Variants in FCRL1 observed in about 807,000 individuals in gnomAD.
FCRL1 encodes Fc receptor like 1, also known as Fc receptor-like protein 1.
FCRL1 carries 34 observed loss-of-function variants against 49.2 expected under a neutral mutation model. The observed-to-expected ratio is 0.69, with a 90% CI of 0.53 to 0.92. FCRL1 has a LOEUF of 0.92. FCRL1 is among the 40% of genes least tolerant of loss of function. The pLI, the probability that FCRL1 is intolerant of heterozygous loss-of-function variation, is 0.00. For synonymous variants in FCRL1, 218 were observed against 201.6 expected (o/e 1.08, Z -0.69); for missense variants, 524 against 524.1 (o/e 1.00, Z 0.00).
At chr1:157,798,955 CTGAT>C (rs768475249) in intron 7 of FCRL1, among the ~76,000 whole-genome samples, 6 of 152,132 alleles carry the variant, frequency 3.9e-5, no homozygotes, top group Non-Finnish European at 8.8e-5. Context: ...TATTGGTTGA[CTGAT>C]TGAGTGAATG....
At chr1:157,819,975 T>A (rs1352076333) in intron 1 of FCRL1, 32 bp downstream of exon 1, 12 of 1,613,550 alleles carry the variant, frequency 7.4e-6, no homozygotes, top group Non-Finnish European at 1.0e-5. Context: ...CATGATTGCA[T>A]CCCATGCCCT....
At chr1:157,810,576 C>T (rs1023775300) in intron 1 of FCRL1, among the ~76,000 whole-genome samples, 9 of 151,906 alleles carry the variant, frequency 5.9e-5, no homozygotes, top group African/African-American at 1.9e-4. Context: ...GGATTACAGT[C>T]GTGAGCCACT....
At chr1:157,799,953 T>G in intron 7 of FCRL1, 105 bp downstream of exon 7, 2 of 939,328 alleles carry the variant, frequency 2.1e-6, no homozygotes, top group South Asian at 4.6e-5. Flanking sequence ...GAGTTCTGGG[T>G]ATAATAAAGC....
chr1:157,802,255 GC>G, intron 4 of FCRL1, 62 bp from the exon 5 acceptor site: 1 of 1,577,192 alleles, frequency 6.3e-7, no homozygotes, highest in Non-Finnish European at 8.6e-7. Context: ...CATAATCCCT[GC>G]CCACCGATGC....
chr1:157,809,393 A>T (rs6427404), intron 1 of FCRL1, among the ~76,000 whole-genome samples: 66,536 of 151,374 alleles, frequency 0.44, 14,963 homozygotes, highest in African/African-American at 0.55. Flanking sequence ...TAATTAATTT[A>T]AAAAAAAACC....
At chr1:157,802,883 C>G (rs1652770967) in intron 3 of FCRL1, among the ~76,000 whole-genome samples, 1 of 152,176 alleles carries the variant, frequency 6.6e-6, no homozygotes, top group Non-Finnish European at 1.5e-5. Flanking sequence ...AGCATCACCT[C>G]TCTCCCTAGA....
Position 157,802,205 on chromosome 1 carries a change from A to G in FCRL1, c.608-12T>C, listed in dbSNP as rs1652626317. 6.2e-7 allele frequency: 1 copy of G among 1,609,176 alleles called. No homozygotes were observed. Among genetic ancestry groups the G allele is most frequent in the Non-Finnish European group, 8.5e-7 (1 of 1,177,588 alleles). On this transcript the variant is annotated splice_polypyrimidine_tract_variant and intron_variant, in intron 4 of 10. Transcript: ENST00000368176. ...GCGAGACACCGGGACTGAGGGAGAC[A>G]GTAGACTGTAAGAGACAGTCTCTGA...
At chr1:157,810,360 G>A (rs945200994) in intron 1 of FCRL1, among the ~76,000 whole-genome samples, 1 of 150,518 alleles carries the variant, frequency 6.6e-6, no homozygotes, top group Non-Finnish European at 1.5e-5. Context: ...GCAGTGGCAT[G>A]ATCTTGGCTC....
chr1:157,797,994 AT>A (rs1651808615), intron 8 of FCRL1, 55 bp from the exon 9 acceptor site: 18 of 1,575,188 alleles, frequency 1.1e-5, no homozygotes, highest in Non-Finnish European at 1.6e-5. Flanking sequence ...TGTCTTTCAA[AT>A]TACTCCATAC....
intron 7 of FCRL1, among the ~76,000 whole-genome samples, chr1:157,798,644 G>A (rs999659115): frequency 6.6e-6 from 1 of 151,778 alleles, no homozygotes; most frequent in Non-Finnish European, 1.5e-5. Context: ...AGTGAAAAGT[G>A]CTACTCTCAT....
chr1:157,803,169 A>G (rs1652819191), intron 3 of FCRL1, among the ~76,000 whole-genome samples: 3 of 152,220 alleles, frequency 2.0e-5, no homozygotes, highest in African/African-American at 7.2e-5. Context: ...AGGGACTGCC[A>G]TGTATAAATT....
chr1:157,808,860 T>C (rs773545930), intron 1 of FCRL1, among the ~76,000 whole-genome samples: 6 of 151,474 alleles, frequency 4.0e-5, no homozygotes, highest in Non-Finnish European at 7.4e-5. Flanking sequence ...AAATAGAAAG[T>C]GCAAAAGGAG....
intron 1 of FCRL1, among the ~76,000 whole-genome samples, chr1:157,809,302 T>C (rs947218764): frequency 6.6e-6 from 1 of 151,976 alleles, no homozygotes; most frequent in Non-Finnish European, 1.5e-5. Flanking sequence ...ATGACTGTAA[T>C]CCCAACACTT....
intron 9 of FCRL1, 63 bp downstream of exon 9, chr1:157,797,805 G>A (rs754380440): frequency 1.2e-6 from 2 of 1,613,242 alleles, no homozygotes; most frequent in Admixed American, 1.7e-5. Context: ...CACAGCCACT[G>A]ATTGTTCTCT....
rs1337147540 is a variant in FCRL1, at chr1:157,796,147, C to A, written c.1242G>T (p.Arg414Ser). ...EDKVSLDIYSRLRKANITDVD... is the reference protein window; with the variant it reads ...EDKVSLDIYSSLRKANITDVD... ...CATCTGTAATGTTTGCTTTCCTCAG[C>A]CTGGAATAGATGTCTAAGGAAACCT... The change falls in exon 11 of 11, where the codon AGG becomes AGT. Residue 414 changes from arginine (R) to serine (S), a missense_variant. Physicochemically the swap from Arg to Ser is moderately radical, Grantham distance 110. Coordinates refer to ENST00000368176, the MANE Select transcript of FCRL1 (RefSeq NM_052938.5). 6.2e-7 allele frequency: 1 copy of A among 1,613,864 alleles called. No individual in the cohort carries two copies. Among genetic ancestry groups the A allele is most frequent in the East Asian group, 2.2e-5 (1 of 44,888 alleles).
At position 157,807,097 on chromosome 1, in the gene FCRL1, C is replaced by T; in HGVS notation, c.52+5G>A. On this transcript the variant is annotated splice_donor_5th_base_variant and intron_variant, in intron 2 of 10. Transcript: ENST00000368176. ...CCTTGAAGAAGAAAAGGAAGTGCAACTCACCGGCAGGTTCACAGAGTGGAG... is the reference window on the plus strand; with the variant it reads ...CCTTGAAGAAGAAAAGGAAGTGCAATTCACCGGCAGGTTCACAGAGTGGAG... 6.2e-7 allele frequency: 1 copy of T among 1,613,814 alleles called. No individual in the cohort carries two copies. The highest frequency in any genetic ancestry group is 8.5e-7 in the Non-Finnish European group (1 of 1,179,852).
chr1:157,808,639 G>A (rs1653836993), intron 1 of FCRL1, among the ~76,000 whole-genome samples: 1 of 152,182 alleles, frequency 6.6e-6, no homozygotes, highest in Non-Finnish European at 1.5e-5. Flanking sequence ...GTGATGGGGA[G>A]CTATGGACAA....
chr1:157,811,897 C>T (rs542454223), intron 1 of FCRL1, among the ~76,000 whole-genome samples: 3 of 152,322 alleles, frequency 2.0e-5, no homozygotes, highest in South Asian at 2.1e-4. Flanking sequence ...AAAACCTAGG[C>T]TCAGGGGGAC....
intron 2 of FCRL1, among the ~76,000 whole-genome samples, chr1:157,804,630 A>G (rs1653101691): frequency 6.6e-6 from 1 of 152,168 alleles, no homozygotes; most frequent in African/African-American, 2.4e-5. Context: ...TGTCCAGGAA[A>G]GACGTAGAAG....
Sources: allele counts gnomAD v4.1 joint callset (sites outside exome capture counted in the v4.1 genomes callset), GRCh38; gene constraint gnomAD v4.1.1; transcripts MANE v1.5; gene names NCBI Gene and HGNC (gene_info 2026-07-23, HGNC 2026-07-21).